Variants in CLMP observed in about 807,000 individuals in gnomAD.
CLMP encodes CXADR-like membrane protein.
Under a neutral mutation model 45.2 loss-of-function variants are expected in CLMP, and 27 were observed. That is an observed-to-expected ratio of 0.60 (90% CI 0.44 to 0.82). The LOEUF (loss-of-function observed/expected upper bound fraction) is 0.82, where lower values mean the gene tolerates loss of function less well. Among genes scored for constraint, CLMP ranks in the 40% least tolerant of loss-of-function variants. The pLI is 0.00. For synonymous variants in CLMP, 167 were observed against 171.4 expected (o/e 0.97, Z 0.20); for missense variants, 403 against 448.4 (o/e 0.90, Z 0.91).
chr11:123,150,582 AAAGGAAGG>A (rs57990609), intron 1 of CLMP, among the ~76,000 whole-genome samples: 9 of 116,932 alleles, frequency 7.7e-5, no homozygotes, highest in African/African-American at 2.6e-4. Context: ...GGAAGGAAGG[AAAGGAAGG>A]AAGGAAGGAA....
intron 1 of CLMP, among the ~76,000 whole-genome samples, chr11:123,109,790 C>T (rs1035048931): frequency 6.6e-6 from 1 of 152,160 alleles, no homozygotes; most frequent in Non-Finnish European, 1.5e-5. Flanking sequence ...GTTCGATGTT[C>T]CAAACACCGA....
intron 1 of CLMP, among the ~76,000 whole-genome samples, chr11:123,187,282 G>A (rs1250341326): frequency 1.3e-5 from 2 of 152,220 alleles, no homozygotes; most frequent in Non-Finnish European, 2.9e-5. Context: ...CTACATGGAA[G>A]CCGTGTGCGC....
At chr11:123,187,857 C>T (rs1159666636) in intron 1 of CLMP, among the ~76,000 whole-genome samples, 1 of 152,138 alleles carries the variant, frequency 6.6e-6, no homozygotes, top group Non-Finnish European at 1.5e-5. Context: ...TAATTCTACT[C>T]ATTTCTGACG....
At position 123,157,754 on chromosome 11, in the gene CLMP, T is replaced by C. The variant is rs892105694; in HGVS notation, c.28+37159A>G. ...AAAAAAAAAAAAAAAAAAGAAGTAGTGAAGGCCCAAAGTGGAGTTACCGGC... is the reference window on the plus strand; with the variant it reads ...AAAAAAAAAAAAAAAAAAGAAGTAGCGAAGGCCCAAAGTGGAGTTACCGGC... On this transcript the variant is annotated intron_variant, in intron 1 of 6. Transcript: ENST00000448775. Among the ~76,000 whole-genome samples, 12 of 139,636 alleles carry C rather than the reference T, an allele frequency of 8.6e-5. No individual in the cohort carries two copies. In the East Asian group the frequency reaches 2.5e-3, roughly 29 times the overall value. The allele number at this position is 139,636 out of a possible 152,430, so 91.6% of individuals were successfully genotyped here.
intron 2 of CLMP, among the ~76,000 whole-genome samples, chr11:123,091,600 T>C (rs1865932917): frequency 6.6e-6 from 1 of 152,218 alleles, no homozygotes; most frequent in Non-Finnish European, 1.5e-5. Context: ...GAGAAGCCTA[T>C]GCACGTCTCC....
At chr11:123,086,164 G>A (rs193227036) in intron 2 of CLMP, among the ~76,000 whole-genome samples, 2 of 147,868 alleles carry the variant, frequency 1.4e-5, no homozygotes, top group Admixed American at 1.3e-4. Flanking sequence ...CACCCTCCTC[G>A]GCTTCCCAAA....
intron 1 of CLMP, among the ~76,000 whole-genome samples, chr11:123,124,676 C>T (rs75609645): frequency 0.18 from 27,963 of 152,144 alleles, 3,274 homozygotes; most frequent in African/African-American, 0.32. Context: ...CCATCTGCAG[C>T]GCTGGGCATA....
intron 2 of CLMP, among the ~76,000 whole-genome samples, chr11:123,094,016 A>G (rs1183070594): frequency 6.6e-6 from 1 of 152,184 alleles, no homozygotes; most frequent in African/African-American, 2.4e-5. Context: ...GAAGCAGCCT[A>G]CATAGCACAT....
intron 1 of CLMP, among the ~76,000 whole-genome samples, chr11:123,118,973 CTTTCTTTCTT>C (rs1860762817): frequency 4.2e-5 from 2 of 47,814 alleles, no homozygotes; most frequent in African/African-American, 1.9e-4. Flanking sequence ...TTCTTTCTTT[CTTTCTTTCTT>C]TCTTTCTTTC....
At chr11:123,103,311 GCTAGAGAACCCAGC>G (rs1437210598) in intron 1 of CLMP, among the ~76,000 whole-genome samples, 2 of 152,150 alleles carry the variant, frequency 1.3e-5, no homozygotes, top group African/African-American at 4.8e-5. Flanking sequence ...TCCAGGCAGA[GCTAGAGAACCCAGC>G]ACCAATTTAG....
intron 1 of CLMP, among the ~76,000 whole-genome samples, chr11:123,193,308 T>C (rs1248963689): frequency 6.6e-6 from 1 of 152,238 alleles, no homozygotes; most frequent in Admixed American, 6.5e-5. Context: ...AATAGGCTTG[T>C]TGTGAAGAAC....
chr11:123,188,431 TTCCTCCTCCTCTTCC>T (rs1365304133), intron 1 of CLMP, among the ~76,000 whole-genome samples: 2 of 149,032 alleles, frequency 1.3e-5, no homozygotes, highest in African/African-American at 2.6e-5. Context: ...CCTCCTCCTC[TTCCTCCTCCTCTTCC>T]TCCTCTTCTT....
chr11:123,161,144 C>G (rs114376979), intron 1 of CLMP, among the ~76,000 whole-genome samples: 1 of 152,184 alleles, frequency 6.6e-6, no homozygotes, highest in African/African-American at 2.4e-5. Flanking sequence ...GTGCCTACTA[C>G]GTGCCCAGCC....
intron 2 of CLMP, among the ~76,000 whole-genome samples, chr11:123,096,354 A>AAAC (rs913790748): frequency 2.0e-5 from 3 of 151,954 alleles, no homozygotes; most frequent in African/African-American, 4.8e-5. Flanking sequence ...ACTTCATCTC[A>AAAC]AACAACAACA....
At chr11:123,082,816 A>G (rs977002636) in intron 5 of CLMP, among the ~76,000 whole-genome samples, 11 of 151,622 alleles carry the variant, frequency 7.3e-5, no homozygotes, top group Admixed American at 2.0e-4. Context: ...CATGTTAGCC[A>G]GGCTGGTCTC....
chr11:123,096,192 A>G (rs913940314), intron 2 of CLMP, among the ~76,000 whole-genome samples: 3 of 151,978 alleles, frequency 2.0e-5, no homozygotes, highest in Admixed American at 6.6e-5. Flanking sequence ...AATCTCTACT[A>G]AAAAAACAAA....
intron 1 of CLMP, among the ~76,000 whole-genome samples, chr11:123,143,592 C>A (rs985205719): frequency 5.3e-5 from 8 of 152,166 alleles, no homozygotes; most frequent in African/African-American, 1.9e-4. Context: ...ACTCTCTGTC[C>A]TACAACCACA....
At chr11:123,143,235 G>A (rs1304103453) in intron 1 of CLMP, among the ~76,000 whole-genome samples, 1 of 152,216 alleles carries the variant, frequency 6.6e-6, no homozygotes, top group African/African-American at 2.4e-5. Context: ...CATGGAATCA[G>A]CATCCGTGGA....
chr11:123,189,107 T>A (rs991520008), intron 1 of CLMP, among the ~76,000 whole-genome samples: 1 of 152,196 alleles, frequency 6.6e-6, no homozygotes, highest in Non-Finnish European at 1.5e-5. Flanking sequence ...TAGAAGTAGT[T>A]CTCAGTTATA....
Sources: gnomAD v4.1 joint callset for allele counts (sites outside exome capture counted in the v4.1 genomes callset) on GRCh38, gnomAD v4.1.1 for gene constraint, MANE v1.5 for transcripts, NCBI Gene and HGNC (gene_info 2026-07-23, HGNC 2026-07-21) for gene names.